Variants in GYG2 observed in about 807,000 individuals in gnomAD.
GYG2 encodes the protein glycogenin-2.
In GYG2, 29 loss-of-function variants were observed where a neutral mutation model predicts 29.4. That is an observed-to-expected ratio of 0.99 (90% confidence interval 0.74 to 1.35). The LOEUF (loss-of-function observed/expected upper bound fraction) is 1.35. GYG2 is among the 40% of genes most tolerant of loss of function. GYG2 has a pLI of 0.00. For missense variants in GYG2, 370 were observed against 385.7 expected (o/e 0.96, Z 0.34); for synonymous variants, 167 against 172.3 (o/e 0.97, Z 0.24).
chrX:2,871,491 C>G (rs755237909), intron 8 of GYG2, among the ~76,000 whole-genome samples: 1 of 110,171 alleles, frequency 9.1e-6, no homozygotes, highest in African/African-American at 3.3e-5. Flanking sequence ...GAGTTTGAGA[C>G]CAGCCTGGCC....
intron 8 of GYG2, among the ~76,000 whole-genome samples, chrX:2,871,190 A>T (rs1302548763): frequency 9.1e-6 from 1 of 109,444 alleles, no homozygotes; most frequent in South Asian, 4.0e-4. Flanking sequence ...AGGGTCCCTC[A>T]TTGGTCCTGA....
intron 3 of GYG2, among the ~76,000 whole-genome samples, chrX:2,846,053 ATATTTTTTTTTTTT>A (rs1281963407): frequency 6.3e-4 from 19 of 29,952 alleles, no homozygotes; most frequent in Admixed American, 1.6e-3. Flanking sequence ...ATATATATAT[ATATTTTTTTTTTTT>A]TTTTTTTTTT....
intron 10 of GYG2, among the ~76,000 whole-genome samples, chrX:2,879,416 C>G (rs1000432805): frequency 9.1e-6 from 1 of 110,023 alleles, no homozygotes; most frequent in Non-Finnish European, 1.9e-5. Context: ...TACAGTCACC[C>G]ACGACCAAGC....
chrX:2,878,935 C>T (rs997565460), intron 10 of GYG2, among the ~76,000 whole-genome samples: 81 of 111,827 alleles, frequency 7.2e-4, no homozygotes, highest in African/African-American at 2.6e-3. Flanking sequence ...CCTGTTAATT[C>T]CAGAAACATT....
chrX:2,829,737 C>T (rs1402299713), intron 1 of GYG2, among the ~76,000 whole-genome samples: 1 of 105,254 alleles, frequency 9.5e-6, no homozygotes, highest in African/African-American at 3.5e-5. Context: ...CAAGCAGGTG[C>T]GCGGGGCGGC....
At chrX:2,874,524 T>C (rs924695054) in intron 8 of GYG2, among the ~76,000 whole-genome samples, 7 of 112,521 alleles carry the variant, frequency 6.2e-5, no homozygotes, top group African/African-American at 2.3e-4. Context: ...TTGATAACCA[T>C]TTTCTTTCCT....
At position 2,859,900 on chromosome X, in the gene GYG2, C is replaced by T. The variant is rs1475033175; in HGVS notation, c.672C>T (p.Tyr224=). ...TGGGGTCCATGAAACCTTGGAACTA[C>T]AAGTACAATCCACAGAGTGGCTCGG... ...HFLGSMKPWN[Y]KYNPQSGSVL... Residue 224 remains tyrosine (Y), a synonymous_variant, in exon 7 of 11, where the codon TAC becomes TAT. Transcript: ENST00000398806. 1 of 1,203,728 alleles carries T rather than the reference C, an allele frequency of 8.3e-7. No homozygotes were observed. Among genetic ancestry groups the T allele is most frequent in the Non-Finnish European group, 1.1e-6 (1 of 890,369 alleles).
At chrX:2,879,219 A>G (rs1163984107) in intron 10 of GYG2, among the ~76,000 whole-genome samples, 1 of 109,570 alleles carries the variant, frequency 9.1e-6, no homozygotes, top group East Asian at 2.8e-4. Context: ...CTTTCTATAT[A>G]TCTATCTCTA....
chrX:2,875,772 G>A lies in GYG2; in HGVS notation c.1039-38G>A, dbSNP rs367979845. Reference sequence around the variant, plus strand: ...TTAAGTTGCATTTATTTGCACGAAGGTTTGACTTAACTTGCCTTTGCTCTT... The same window carrying A: ...TTAAGTTGCATTTATTTGCACGAAGATTTGACTTAACTTGCCTTTGCTCTT... On this transcript the variant is annotated intron_variant, in intron 8 of 10. Transcript: ENST00000398806. The A allele has an allele frequency of 9.3e-5, 84 of 906,096 alleles. No individual in the cohort carries two copies. In the African/African-American group the frequency reaches 1.3e-3, roughly 14 times the overall value. The allele number at this position is 906,096 out of a possible 1,213,427, so 74.7% of individuals were successfully genotyped here. A position where few individuals can be genotyped will look rare whatever the true frequency, so the allele number is the denominator to read the frequency against.
chrX:2,854,975 C>G lies in GYG2; in HGVS notation c.325-18C>G, dbSNP rs181642974. On this transcript the variant is annotated intron_variant, in intron 4 of 10. Coordinates refer to ENST00000398806, the MANE Select transcript of GYG2 (RefSeq NM_001079855.2). ...AAAAGAAGCATTGCGGCGGGTTCTG[C>G]GTGTTTTGCTTCACCAGGTGCTGTC... The G allele has an allele frequency of 3.1e-5, 37 of 1,201,962 alleles. No individual in the cohort carries two copies. In the East Asian group the frequency reaches 1.1e-3, roughly 36 times the overall value.
intron 6 of GYG2, 116 bp downstream of exon 6, chrX:2,856,740 C>CTGTG: frequency 2.6e-6 from 1 of 377,906 alleles, no homozygotes; most frequent in Non-Finnish European, 4.5e-6. Context: ...TATCTATCAT[C>CTGTG]TATCTATCTA....
chrX:2,854,685 G>T (rs1298771319), intron 4 of GYG2, among the ~76,000 whole-genome samples: 1 of 112,130 alleles, frequency 8.9e-6, no homozygotes, highest in East Asian at 2.8e-4. Flanking sequence ...TGTAATCTCA[G>T]CACTTTGGGA....
chrX:2,871,280 T>A (rs1414879046), intron 8 of GYG2, among the ~76,000 whole-genome samples: 1 of 110,180 alleles, frequency 9.1e-6, no homozygotes, highest in African/African-American at 3.3e-5. Context: ...AGCCTCTTAT[T>A]TGCCCTGAGT....
At position 2,860,046 on chromosome X, in the gene GYG2, G is replaced by A. The variant is rs767686645; in HGVS notation, c.818G>A (p.Arg273His). The A allele has an allele frequency of 8.5e-6, 10 of 1,173,931 alleles. No individual in the cohort carries two copies. Among genetic ancestry groups the A allele is most frequent in the East Asian group, 6.1e-5 (2 of 32,962 alleles). ...LYKSVQAGEA[R>H]ASPGHTLCHS... ...AAAAGCGTCCAAGCGGGGGAAGCAC[G>A]CGCGTCTCCTGGTCACACAGTAAGT... The change falls in exon 7 of 11, where the codon CGC (arginine) becomes CAC (histidine). Residue 273 changes from arginine to histidine, a missense_variant. Transcript: ENST00000398806.
intron 2 of GYG2, among the ~76,000 whole-genome samples, chrX:2,833,009 A>G (rs1222578413): frequency 8.9e-6 from 1 of 111,941 alleles, no homozygotes; most frequent in Non-Finnish European, 1.9e-5. Context: ...TCAGCCCATA[A>G]TAGGATAACT....
intron 10 of GYG2, among the ~76,000 whole-genome samples, chrX:2,880,295 CAAGCAGTCCAAATTCTTA>C (rs2088691736): frequency 9.1e-6 from 1 of 110,168 alleles, no homozygotes; most frequent in Admixed American, 9.7e-5. Flanking sequence ...ATTCCTTTGC[CAAGCAGTCCAAATTCTTA>C]TAGGCTTTAC....
At chrX:2,834,649 C>A (rs1215084028) in intron 2 of GYG2, among the ~76,000 whole-genome samples, 1 of 111,994 alleles carries the variant, frequency 8.9e-6, no homozygotes, top group Non-Finnish European at 1.9e-5. Context: ...GGGACGTGAA[C>A]CCACAGTGAA....
At chrX:2,875,340 T>TG (rs1165906798) in intron 8 of GYG2, among the ~76,000 whole-genome samples, 3 of 111,529 alleles carry the variant, frequency 2.7e-5, no homozygotes, top group Non-Finnish European at 5.6e-5. Flanking sequence ...GGACCATCCT[T>TG]GGGAGAGTTG....
chrX:2,855,114 A>G lies in GYG2; in HGVS notation c.446A>G (p.Lys149Arg), dbSNP rs202057114. The G allele has an allele frequency of 5.0e-6, 6 of 1,211,203 alleles. No individual in the cohort carries two copies. In the South Asian group the frequency reaches 1.1e-4, roughly 21 times the overall value. Reference protein sequence around the residue: ...FVFQPSLHTHKLLLQHAMEHG... With the variant: ...FVFQPSLHTHRLLLQHAMEHG... ...TTCCAGCCTTCTCTCCACACGCATA[A>G]ACTCCTGCTACAGCACGCCATGGAA... is the stretch of plus-strand genomic sequence containing the variant. The change falls in exon 5 of 11, where the codon AAA becomes AGA. Residue 149 changes from lysine (K) to arginine (R), a missense_variant. Transcript: ENST00000398806.
Sources: gnomAD v4.1 joint callset for allele counts (sites outside exome capture counted in the v4.1 genomes callset) on GRCh38, gnomAD v4.1.1 for gene constraint, MANE v1.5 for transcripts, NCBI Gene and HGNC (gene_info 2026-07-23, HGNC 2026-07-21) for gene names.